CD44: variants seen among roughly 807,000 people sequenced by gnomAD.
The protein encoded by CD44 is CD44 molecule (IN blood group), also known as CD44 antigen.
In CD44, 49 loss-of-function variants were observed where a neutral mutation model predicts 88.8. That is an observed-to-expected ratio of 0.55 (90% confidence interval 0.44 to 0.70). CD44 has a LOEUF of 0.70. Among genes scored for constraint, CD44 ranks in the 30% least tolerant of loss-of-function variants. CD44 has a pLI of 0.00. For synonymous variants in CD44, 325 were observed against 312.3 expected, an observed-to-expected ratio of 1.04 and a Z score of -0.43; for missense variants, 883 against 913.8, an observed-to-expected ratio of 0.97 and a Z score of 0.43.
intron 3 of CD44, among the ~76,000 whole-genome samples, chr11:35,181,897 AT>A (rs1945096579): frequency 4.4e-5 from 3 of 68,806 alleles, no homozygotes; most frequent in Admixed American, 2.4e-4. Context: ...TATATATAAT[AT>A]AATATATAAT....
At chr11:35,226,449 A>G (rs1949693436) in intron 17 of CD44, among the ~76,000 whole-genome samples, 1 of 152,230 alleles carries the variant, frequency 6.6e-6, no homozygotes, top group Non-Finnish European at 1.5e-5. Context: ...TTCTACCTTG[A>G]GCCTTTTAAA....
chr11:35,197,956 A>C, intron 6 of CD44, 165 bp from the exon 7 acceptor site: 1 of 572,904 alleles, frequency 1.7e-6, no homozygotes, highest in South Asian at 2.8e-5. Flanking sequence ...TTTATGTATT[A>C]GCTTCGGAGA....
At position 35,206,138 on chromosome 11, in the gene CD44, A is replaced by G. The variant is rs543475135; in HGVS notation, c.1309A>G (p.Met437Val). 9.9e-6 allele frequency: 16 copies of G among 1,611,058 alleles called. No homozygotes were observed. The East Asian group carries it at 1.3e-4, about 14-fold the overall frequency. The change falls in exon 11 of 18, where the codon ATG becomes GTG. Residue 437 changes from methionine (M) to valine (V), a missense_variant. Transcript: ENST00000428726. ...AAASAHTSHPMQGRTTPSPED... is the reference protein window; with the variant it reads ...AAASAHTSHPVQGRTTPSPED... ...AGCCTCAGCTCATACCAGCCATCCA[A>G]TGCAAGGAAGGACAACACCAAGCCC...
chr11:35,187,046 G>C (rs1183190800), intron 4 of CD44, 146 bp downstream of exon 4: 1 of 596,406 alleles, frequency 1.7e-6, no homozygotes, highest in African/African-American at 1.9e-5. Context: ...GCTGAGGTGG[G>C]TGGATCACTT....
intron 6 of CD44, 172 bp downstream of exon 6, chr11:35,197,046 C>A: frequency 4.9e-6 from 3 of 607,968 alleles, no homozygotes; most frequent in South Asian, 2.1e-5. Context: ...TGTATGGCAC[C>A]AATAAGCAGA....
At chr11:35,142,106 T>C (rs920062845) in intron 1 of CD44, among the ~76,000 whole-genome samples, 1 of 152,040 alleles carries the variant, frequency 6.6e-6, no homozygotes, top group Non-Finnish European at 1.5e-5. Flanking sequence ...AGGAAGAAAG[T>C]GGCCCTTGGT....
At chr11:35,218,475 C>T (rs986302486) in intron 15 of CD44, among the ~76,000 whole-genome samples, 1 of 152,158 alleles carries the variant, frequency 6.6e-6, no homozygotes, top group Non-Finnish European at 1.5e-5. Context: ...ACTACAGGCA[C>T]ATGCCACTAT....
At chr11:35,205,261 A>T (rs1035104773) in intron 10 of CD44, among the ~76,000 whole-genome samples, 1 of 152,220 alleles carries the variant, frequency 6.6e-6, no homozygotes, top group Non-Finnish European at 1.5e-5. Flanking sequence ...GCAAGCTCCC[A>T]TGCAGGATTC....
chr11:35,206,824 G>C (rs967335758), intron 11 of CD44, among the ~76,000 whole-genome samples: 1 of 152,214 alleles, frequency 6.6e-6, no homozygotes, highest in Non-Finnish European at 1.5e-5. Context: ...AGTGACTGAA[G>C]TACCACAGGC....
At chr11:35,220,006 T>C (rs1949156678) in intron 16 of CD44, among the ~76,000 whole-genome samples, 1 of 152,232 alleles carries the variant, frequency 6.6e-6, no homozygotes, top group Admixed American at 6.5e-5. Context: ...TTATTTGACT[T>C]GGAATTAAAA....
chr11:35,185,533 T>C (rs983879545), intron 3 of CD44, among the ~76,000 whole-genome samples: 1 of 152,210 alleles, frequency 6.6e-6, no homozygotes, highest in African/African-American at 2.4e-5. Flanking sequence ...GATAACAGCC[T>C]TTCTTGTGAT....
At position 35,182,016 on chromosome 11, in the gene CD44, TG is replaced by T. The variant is rs1181407258; in HGVS notation, c.367+1610del. On this transcript the variant is annotated intron_variant, in intron 3 of 17. Coordinates refer to ENST00000428726, the MANE Select transcript of CD44 (RefSeq NM_000610.4). The stretch of plus-strand genomic sequence containing the variant: ...ATTTATATTTATATATATGTATATA[TG>T]TATATATAAATATATACACATTTAT... 3.0e-3 allele frequency among the ~76,000 whole-genome samples: 354 copies of T among 117,850 alleles called. 9 individuals are homozygous for T. The highest frequency in any genetic ancestry group is 0.013 in the Admixed American group (110 of 8,270). 77.3% of individuals were successfully genotyped at this position (117,850 alleles called of 152,430 possible).
intron 1 of CD44, among the ~76,000 whole-genome samples, chr11:35,175,685 T>C (rs569349349): frequency 6.6e-6 from 1 of 152,326 alleles, no homozygotes; most frequent in African/African-American, 2.4e-5. Context: ...CAAAATTAAA[T>C]CATTTGCTTT....
intron 1 of CD44, among the ~76,000 whole-genome samples, chr11:35,169,461 C>T (rs1417961682): frequency 1.3e-5 from 2 of 151,858 alleles, no homozygotes; most frequent in Admixed American, 6.6e-5. Context: ...CACAATCTTG[C>T]ATATAATCTC....
chr11:35,174,786 T>G (rs1449875571), intron 1 of CD44, among the ~76,000 whole-genome samples: 1 of 152,226 alleles, frequency 6.6e-6, no homozygotes, highest in Admixed American at 6.5e-5. Flanking sequence ...CTGAGGAAAT[T>G]TCAATGAGTC....
At chr11:35,180,873 A>G (rs1591090357) in intron 3 of CD44, among the ~76,000 whole-genome samples, 1 of 152,320 alleles carries the variant, frequency 6.6e-6, no homozygotes, top group South Asian at 2.1e-4. Flanking sequence ...AAAGTGATAA[A>G]AGTGCTATAA....
intron 1 of CD44, among the ~76,000 whole-genome samples, chr11:35,152,913 G>A (rs1444957381): frequency 1.3e-5 from 2 of 152,084 alleles, no homozygotes; most frequent in African/African-American, 2.4e-5. Context: ...TAGTGCTGAC[G>A]GGACAGCTTA....
intron 5 of CD44, among the ~76,000 whole-genome samples, chr11:35,194,841 C>G (rs1358710751): frequency 1.3e-5 from 2 of 152,160 alleles, no homozygotes; most frequent in Non-Finnish European, 2.9e-5. Context: ...TGAAAAACTA[C>G]AAATGAATGA....
rs142051610 is a variant in CD44 at position 35,218,488 on chromosome 11, C to T, written c.1874-828C>T. On this transcript the variant is annotated intron_variant, in intron 15 of 17. Transcript: ENST00000428726. Reference sequence around the variant, plus strand: ...GGACTACAGGCACATGCCACTATGCCTGGCTAATTTTTGTATTTTTAGTAG... The same window carrying T: ...GGACTACAGGCACATGCCACTATGCTTGGCTAATTTTTGTATTTTTAGTAG... 2.1e-3 allele frequency among the ~76,000 whole-genome samples: 315 copies of T among 152,272 alleles called. 3 individuals are homozygous for T. The highest frequency in any genetic ancestry group is 6.9e-3 in the African/African-American group (287 of 41,558).
Sources: gnomAD v4.1 joint callset for allele counts (sites outside exome capture counted in the v4.1 genomes callset) on GRCh38, gnomAD v4.1.1 for gene constraint, MANE v1.5 for transcripts, NCBI Gene and HGNC (gene_info 2026-07-23, HGNC 2026-07-21) for gene names.